Variants in PDE11A observed in about 807,000 individuals in gnomAD.
PDE11A encodes dual 3',5'-cyclic-AMP and -GMP phosphodiesterase 11A.
In PDE11A, 100 loss-of-function variants were observed where a neutral mutation model predicts 100.5. The ratio of observed to expected loss-of-function variants is 1.00; its 90% CI spans 0.85 to 1.18. The LOEUF (loss-of-function observed/expected upper bound fraction) is 1.18, where lower values mean the gene tolerates loss of function less well. Ranked by LOEUF, PDE11A falls within the 50% of genes most tolerant of loss-of-function variation. The pLI, the probability that PDE11A is intolerant of heterozygous loss-of-function variation, is 0.00. For missense variants in PDE11A, 1,141 were observed against 1,152.6 expected, an observed-to-expected ratio of 0.99 and a Z score of 0.15; for synonymous variants, 381 against 420.8, an observed-to-expected ratio of 0.91 and a Z score of 1.16.
chr2:177,810,650 A>G lies in PDE11A; in HGVS notation c.1737+6179T>C, dbSNP rs138999545. Among the ~76,000 whole-genome samples, 720 of 136,022 alleles carry G rather than the reference A, an allele frequency of 5.3e-3. 3 individuals carry two copies. Among genetic ancestry groups the G allele is most frequent in the Admixed American group, 6.2e-3 (88 of 14,134 alleles). The allele number at this position is 136,022 out of a possible 152,430, so 89.2% of individuals were successfully genotyped here. A position where few individuals can be genotyped will look rare whatever the true frequency, so the allele number is the denominator to read the frequency against. ...AGCATATAATACTCTTGAGAAGAGA[A>G]ATGAGAGCCAGGGGTAGGAAAGTTT... On this transcript the variant is annotated intron_variant, in intron 9 of 19. Transcript: ENST00000286063.
chr2:177,668,625 T>A (rs2080625983), intron 18 of PDE11A, among the ~76,000 whole-genome samples: 1 of 152,220 alleles, frequency 6.6e-6, no homozygotes, highest in Non-Finnish European at 1.5e-5. Context: ...AGGAGCTAGT[T>A]CTCTTGCTTT....
intron 12 of PDE11A, among the ~76,000 whole-genome samples, chr2:177,714,506 C>T (rs371344783): frequency 5.9e-5 from 9 of 152,036 alleles, no homozygotes; most frequent in East Asian, 5.8e-4. Flanking sequence ...AGTCATATGC[C>T]CAGGGTCTCC....
At chr2:177,787,300 T>A (rs946309660) in intron 9 of PDE11A, among the ~76,000 whole-genome samples, 2 of 147,510 alleles carry the variant, frequency 1.4e-5, no homozygotes, top group African/African-American at 5.0e-5. Flanking sequence ...GCTTCATAAG[T>A]GAAGGAGAAA....
intron 2 of PDE11A, among the ~76,000 whole-genome samples, chr2:177,927,832 C>T (rs546347971): frequency 3.9e-5 from 6 of 152,146 alleles, no homozygotes; most frequent in Non-Finnish European, 8.8e-5. Flanking sequence ...AGTCCGGATA[C>T]GGTGGCTCAT....
chr2:177,738,569 A>G (rs996679618), intron 10 of PDE11A, among the ~76,000 whole-genome samples: 1 of 152,132 alleles, frequency 6.6e-6, no homozygotes, highest in African/African-American at 2.4e-5. Flanking sequence ...CAGACCTACT[A>G]TGCTCTCTGT....
exon 1 of PDE11A, chr2:178,108,293 G>T (rs528053150): frequency 5.3e-5 from 8 of 152,246 alleles, no homozygotes; most frequent in African/African-American, 1.9e-4. Context: ...CCTCAACTTC[G>T]AGGCTGGCGA....
At chr2:177,737,425 A>ACACACACACACACACC in intron 10 of PDE11A, among the ~76,000 whole-genome samples, 1 of 141,794 alleles carries the variant, frequency 7.1e-6, no homozygotes, top group South Asian at 2.5e-4. Flanking sequence ...AAAAATACAC[A>ACACACACACACACACC]CACACATACA....
chr2:178,024,654 T>C (rs1453104718), intron 1 of PDE11A, among the ~76,000 whole-genome samples: 3 of 152,214 alleles, frequency 2.0e-5, no homozygotes, highest in Non-Finnish European at 2.9e-5. Flanking sequence ...AAATGCCTTA[T>C]GGAGTTGTAA....
intron 13 of PDE11A, among the ~76,000 whole-genome samples, chr2:177,711,375 A>C (rs1044449023): frequency 6.6e-6 from 1 of 152,246 alleles, no homozygotes; most frequent in Non-Finnish European, 1.5e-5. Flanking sequence ...GAGAAGGAAA[A>C]CTATATTTTG....
At chr2:177,881,866 C>T (rs1276219609) in intron 4 of PDE11A, among the ~76,000 whole-genome samples, 1 of 152,162 alleles carries the variant, frequency 6.6e-6, no homozygotes, top group African/African-American at 2.4e-5. Flanking sequence ...TAAAAGTTTG[C>T]CAACTTCTCT....
chr2:177,801,152 C>G (rs2082787777), intron 9 of PDE11A, among the ~76,000 whole-genome samples: 1 of 152,190 alleles, frequency 6.6e-6, no homozygotes, highest in Non-Finnish European at 1.5e-5. Flanking sequence ...AATGAGTTAA[C>G]ATAGTTCAAC....
intron 12 of PDE11A, among the ~76,000 whole-genome samples, chr2:177,712,448 G>A (rs1213372849): frequency 6.6e-6 from 1 of 151,552 alleles, no homozygotes; most frequent in African/African-American, 2.4e-5. Flanking sequence ...TTCATATTAG[G>A]TTGGTAGACA....
chr2:178,002,867 A>G (rs1260198457), intron 2 of PDE11A, among the ~76,000 whole-genome samples: 2 of 152,182 alleles, frequency 1.3e-5, no homozygotes, highest in African/African-American at 4.8e-5. Context: ...TTATGAATTA[A>G]TATAATTTTC....
At chr2:178,041,748 C>T (rs556378646) in intron 1 of PDE11A, among the ~76,000 whole-genome samples, 28 of 152,202 alleles carry the variant, frequency 1.8e-4, no homozygotes, top group African/African-American at 5.8e-4. Context: ...GCCAAGGCAT[C>T]GAAAGCACTA....
At chr2:178,079,749 C>G (rs2087259588) in intron 2 of PDE11A, among the ~76,000 whole-genome samples, 1 of 152,160 alleles carries the variant, frequency 6.6e-6, no homozygotes, top group Admixed American at 6.5e-5. Flanking sequence ...AATTTACGTT[C>G]CCACCAACAG....
chr2:177,633,633 A>C (rs1300960967), intron 19 of PDE11A, among the ~76,000 whole-genome samples: 2 of 152,206 alleles, frequency 1.3e-5, no homozygotes, highest in African/African-American at 4.8e-5. Context: ...GCAGCGATCA[A>C]AATCCCCTTT....
intron 2 of PDE11A, among the ~76,000 whole-genome samples, chr2:177,959,059 GA>G (rs2085599364): frequency 1.3e-5 from 2 of 152,184 alleles, no homozygotes; most frequent in South Asian, 4.1e-4. Flanking sequence ...GCTGCTATAA[GA>G]AAAGAGTAAC....
intron 2 of PDE11A, among the ~76,000 whole-genome samples, chr2:177,999,873 T>C (rs2086122745): frequency 6.6e-6 from 1 of 152,212 alleles, no homozygotes; most frequent in African/African-American, 2.4e-5. Flanking sequence ...TCTGGGTAGC[T>C]CTAACTTACA....
chr2:177,799,443 T>C (rs1272664495), intron 9 of PDE11A, among the ~76,000 whole-genome samples: 1 of 152,168 alleles, frequency 6.6e-6, no homozygotes, highest in Non-Finnish European at 1.5e-5. Flanking sequence ...TCTGTAAATC[T>C]AAACTGTCAT....
Sources: gnomAD v4.1 joint callset for allele counts (sites outside exome capture counted in the v4.1 genomes callset) on GRCh38, gnomAD v4.1.1 for gene constraint, MANE v1.5 for transcripts, NCBI Gene and HGNC (gene_info 2026-07-23, HGNC 2026-07-21) for gene names.